Variants in EPS8 observed in about 807,000 individuals in gnomAD.
EPS8 encodes EGFR pathway substrate 8, signaling adaptor.
A neutral mutation model predicts 103.8 loss-of-function variants in EPS8; 42 were observed. That is an observed-to-expected ratio of 0.40 (90% CI 0.32 to 0.52). The LOEUF (loss-of-function observed/expected upper bound fraction) is 0.52. EPS8 is among the 20% of genes least tolerant of loss of function. The probability of loss-of-function intolerance (pLI) is 0.40; values close to 1 mark genes in which losing one functional copy is unlikely to be tolerated. For synonymous variants in EPS8, 344 were observed against 344.6 expected (o/e 1.00, Z 0.02); for missense variants, 969 against 1,005.1 (o/e 0.96, Z 0.49).
intron 12 of EPS8, among the ~76,000 whole-genome samples, chr12:15,655,432 C>T (rs1360225015): frequency 6.6e-6 from 1 of 152,108 alleles, no homozygotes; most frequent in Non-Finnish European, 1.5e-5. Flanking sequence ...TTCAGTTTCC[C>T]CTCCTTGAGG....
rs183484778 is a variant in EPS8, at chr12:15,772,528, C to A, written c.-22+16633G>T. 6.6e-6 allele frequency among the ~76,000 whole-genome samples: 1 copy of A among 152,088 alleles called. No homozygotes were observed. The highest frequency in any genetic ancestry group is 1.5e-5 in the Non-Finnish European group (1 of 68,018). On this transcript the variant is annotated intron_variant, in intron 1 of 20. Transcript: ENST00000281172. This position sits in a 1 kb window ranked among gnomAD's most constrained non-coding sequence, Gnocchi z 5.0. ...AACTTGTGAGTGTTCTGAGAATACA[C>A]AAAACCATGAACTGAGGCACAAAAT...
chr12:15,776,110 T>A lies in EPS8; in HGVS notation c.-22+13051A>T, dbSNP rs1249900129. Among the ~76,000 whole-genome samples the A allele has an allele frequency of 2.0e-5, 3 of 152,220 alleles. No homozygotes were observed. The highest frequency in any genetic ancestry group is 7.2e-5 in the African/African-American group (3 of 41,466). The stretch of plus-strand genomic sequence containing the variant: ...TTCAATATAAATTTGTGTACATATT[T>A]CTCTCCAGCAATTTTTCTTTTAAAA... On this transcript the variant is annotated intron_variant, in intron 1 of 20. Coordinates refer to ENST00000281172, the MANE Select transcript of EPS8 (RefSeq NM_004447.6). The surrounding 1 kb of genome is among the most constrained non-coding windows in gnomAD (Gnocchi z 4.2).
At chr12:15,742,772 G>A (rs1408589343) in intron 1 of EPS8, among the ~76,000 whole-genome samples, 2 of 152,098 alleles carry the variant, frequency 1.3e-5, no homozygotes, top group African/African-American at 2.4e-5. Context: ...CAAAATAAGA[G>A]CTATTTATGA....
rs1384311988 is a variant in EPS8 at position 15,747,547 on chromosome 12, G to A, written c.-22+41614C>T. ...AGTTACCATCTACAACACTGCATTA[G>A]TAAGAAAGTGGCAAATGATCAAAAA... On this transcript the variant is annotated intron_variant, in intron 1 of 20. Coordinates refer to ENST00000281172, the MANE Select transcript of EPS8 (RefSeq NM_004447.6). The surrounding 1 kb of genome is among the most constrained non-coding windows in gnomAD (Gnocchi z 4.4). Among the ~76,000 whole-genome samples the A allele has an allele frequency of 6.6e-6, 1 of 152,134 alleles. No homozygotes were observed. The highest frequency in any genetic ancestry group is 1.5e-5 in the Non-Finnish European group (1 of 68,018).
intron 3 of EPS8, among the ~76,000 whole-genome samples, chr12:15,680,185 T>A (rs1271687166): frequency 6.6e-6 from 1 of 152,196 alleles, no homozygotes; most frequent in Non-Finnish European, 1.5e-5. Context: ...TCAGTGATAA[T>A]GCCAATTCAC....
intron 1 of EPS8, among the ~76,000 whole-genome samples, chr12:15,758,729 G>C (rs998764183): frequency 6.6e-6 from 1 of 152,212 alleles, no homozygotes; most frequent in African/African-American, 2.4e-5. Flanking sequence ...CTGTATAGCT[G>C]ATAATATTCA....
Position 15,749,925 on chromosome 12 carries a change from T to C in EPS8, c.-22+39236A>G, listed in dbSNP as rs1016469129. Among the ~76,000 whole-genome samples, 3 of 152,190 alleles carry C rather than the reference T, an allele frequency of 2.0e-5. No homozygotes were observed. Among genetic ancestry groups the C allele is most frequent in the South Asian group, 2.1e-4 (1 of 4,830 alleles). On this transcript the variant is annotated intron_variant, in intron 1 of 20. Transcript: ENST00000281172. This position sits in a 1 kb window ranked among gnomAD's most constrained non-coding sequence, Gnocchi z 4.0. ...GAAAAACGAATCTCCTTCTGTAGAA[T>C]AGTTACACTTCAGAAACCTAAAAGC...
chr12:15,767,486 G>A lies in EPS8; in HGVS notation c.-22+21675C>T, dbSNP rs1591930108. Among the ~76,000 whole-genome samples the A allele has an allele frequency of 6.6e-6, 1 of 152,266 alleles. No homozygotes were observed. The highest frequency in any genetic ancestry group is 1.9e-4 in the East Asian group (1 of 5,178). ...GGCATAAAATGAAACCCTCCTCTAG[G>A]AACACCCTACTGAATGGAACACAGG... On this transcript the variant is annotated intron_variant, in intron 1 of 20. Coordinates refer to ENST00000281172, the MANE Select transcript of EPS8 (RefSeq NM_004447.6). The surrounding 1 kb of genome is among the most constrained non-coding windows in gnomAD (Gnocchi z 5.5).
intron 1 of EPS8, among the ~76,000 whole-genome samples, chr12:15,774,196 A>T (rs1416524536): frequency 1.3e-5 from 2 of 152,086 alleles, no homozygotes; most frequent in Non-Finnish European, 2.9e-5. Context: ...GCCACGAATA[A>T]GAAGGAATAA....
intron 14 of EPS8, among the ~76,000 whole-genome samples, chr12:15,648,619 T>A (rs1483389781): frequency 1.3e-5 from 2 of 152,200 alleles, no homozygotes; most frequent in African/African-American, 4.8e-5. Context: ...GATTAGGTAA[T>A]CTTTAATTAA....
At chr12:15,667,957 A>G (rs1481848518) in intron 6 of EPS8, among the ~76,000 whole-genome samples, 1 of 152,174 alleles carries the variant, frequency 6.6e-6, no homozygotes, top group East Asian at 1.9e-4. Context: ...TTTTCACAGC[A>G]TAGTAACTTT....
intron 13 of EPS8, 24 bp from the exon 14 acceptor site, chr12:15,651,030 T>C (rs1215156448): frequency 3.8e-6 from 6 of 1,593,930 alleles, no homozygotes; most frequent in East Asian, 4.5e-5. Flanking sequence ...TGAAGGCATA[T>C]AAACAATAAA....
chr12:15,771,224 G>A lies in EPS8; in HGVS notation c.-22+17937C>T, dbSNP rs959104932. ...AAATATAGACAAGAGGGACACTGAA[G>A]CACAGACTGGGAAAACTGAAGTATA... is the stretch of plus-strand genomic sequence containing the variant. On this transcript the variant is annotated intron_variant, in intron 1 of 20. Transcript: ENST00000281172. The surrounding 1 kb of genome is among the most constrained non-coding windows in gnomAD (Gnocchi z 4.6). Among the ~76,000 whole-genome samples the A allele has an allele frequency of 3.3e-5, 5 of 152,186 alleles. No individual in the cohort carries two copies. The highest frequency in any genetic ancestry group is 1.2e-4 in the African/African-American group (5 of 41,444).
chr12:15,647,047 T>C lies in EPS8; in HGVS notation c.1568+80A>G, dbSNP rs1945330238. On this transcript the variant is annotated intron_variant, in intron 15 of 20. Transcript: ENST00000281172. ...GAAAGTTTAAAGAAGCAGTAGACAA[T>C]ACAGACACTGTCACCTCTGTTAGCA... 3 of 1,362,118 alleles carry C rather than the reference T, an allele frequency of 2.2e-6. No homozygotes were observed. The East Asian group carries it at 7.0e-5, about 32-fold the overall frequency. The allele number at this position is 1,362,118 out of a possible 1,614,324, so 84.4% of individuals were successfully genotyped here.
rs557033313 is a variant in EPS8 at position 15,784,956 on chromosome 12, G to A, written c.-22+4205C>T. 1.3e-5 allele frequency among the ~76,000 whole-genome samples: 2 copies of A among 152,092 alleles called. No individual in the cohort carries two copies. The highest frequency in any genetic ancestry group is 2.9e-5 in the Non-Finnish European group (2 of 67,944). ...AGATACGTGGTTTTCTGGGAGAGGG[G>A]CTCACAGAGGTTATGAGTGAAGCCC... On this transcript the variant is annotated intron_variant, in intron 1 of 20. Coordinates refer to ENST00000281172, the MANE Select transcript of EPS8 (RefSeq NM_004447.6). The surrounding 1 kb of genome is among the most constrained non-coding windows in gnomAD (Gnocchi z 4.0).
Position 15,762,450 on chromosome 12 carries a change from A to G in EPS8, c.-22+26711T>C, listed in dbSNP as rs1565534439. Among the ~76,000 whole-genome samples the G allele has an allele frequency of 6.6e-6, 1 of 152,190 alleles. No homozygotes were observed. Among genetic ancestry groups the G allele is most frequent in the Non-Finnish European group, 1.5e-5 (1 of 68,018 alleles). ...CGCTGCTAGGTATAGACCCAAAAGA[A>G]AGGAAATCAGTATATCAAAGGGATA... On this transcript the variant is annotated intron_variant, in intron 1 of 20. Transcript: ENST00000281172. This position sits in a 1 kb window ranked among gnomAD's most constrained non-coding sequence, Gnocchi z 4.8.
rs1946551420 is a variant in EPS8, at chr12:15,717,979, A to G, written c.-21-35007T>C. ...GGCAATTTCAGTTAAAAAGACAGCA[A>G]GAAACAAAAAAATTGGTGGAAAAAG... On this transcript the variant is annotated intron_variant, in intron 1 of 20. Transcript: ENST00000281172. This position sits in a 1 kb window ranked among gnomAD's most constrained non-coding sequence, Gnocchi z 4.3. 6.6e-6 allele frequency among the ~76,000 whole-genome samples: 1 copy of G among 152,248 alleles called. No homozygotes were observed. Among genetic ancestry groups the G allele is most frequent in the Admixed American group, 6.5e-5 (1 of 15,282 alleles).
chr12:15,673,110 A>T (rs1045884266), intron 3 of EPS8, among the ~76,000 whole-genome samples: 3 of 152,222 alleles, frequency 2.0e-5, no homozygotes, highest in Non-Finnish European at 2.9e-5. Context: ...AAATGAGAAG[A>T]AAAACTATCT....
At chr12:15,672,298 T>C (rs1373516161) in intron 3 of EPS8, among the ~76,000 whole-genome samples, 1 of 152,184 alleles carries the variant, frequency 6.6e-6, no homozygotes, top group African/African-American at 2.4e-5. Context: ...ACAACACATA[T>C]GAATTTCATT....
Sources: allele counts gnomAD v4.1 joint callset (sites outside exome capture counted in the v4.1 genomes callset), GRCh38; gene constraint gnomAD v4.1.1; non-coding constraint Gnocchi (gnomAD v3.1); transcripts MANE v1.5; gene names NCBI Gene and HGNC (gene_info 2026-07-23, HGNC 2026-07-21).